CALCR: variants seen among roughly 807,000 people sequenced by gnomAD.
CALCR encodes calcitonin receptor.
In CALCR, 47 loss-of-function variants were observed where a neutral mutation model predicts 59.5. The observed-to-expected ratio is 0.79, with a 90% CI of 0.63 to 1.01. The LOEUF (loss-of-function observed/expected upper bound fraction) is 1.01. Ranked by LOEUF, CALCR falls within the 50% of genes least tolerant of loss-of-function variation. CALCR has a pLI of 0.00. For missense variants in CALCR, 566 were observed against 597.1 expected (o/e 0.95, Z 0.54); for synonymous variants, 213 against 211.3 (o/e 1.01, Z -0.07).
At chr7:93,557,363 TC>T (rs1789635261) in intron 2 of CALCR, among the ~76,000 whole-genome samples, 2 of 151,958 alleles carry the variant, frequency 1.3e-5, no homozygotes, top group Non-Finnish European at 2.9e-5. Context: ...AATGGCTAAA[TC>T]AAGCTAATTA....
rs760281915 is a variant in CALCR, at chr7:93,438,248, A to G, written c.825T>C (p.Thr275=). The change falls in exon 10 of 14, where the codon ACT becomes ACC. Residue 275 remains threonine (T), a synonymous_variant. Transcript: ENST00000426151. ...ACACGGCCCTGGTAATAGCATGGAT[A>G]GTGGTTGGCACCAGCGGGAACCCTA... ...LGWGFPLVPT[T]IHAITRAVYF... is the part of the protein sequence containing the mutation. 6.2e-7 allele frequency: 1 copy of G among 1,613,568 alleles called. No individual in the cohort carries two copies. Among genetic ancestry groups the G allele is most frequent in the Admixed American group, 1.7e-5 (1 of 60,024 alleles).
rs191848722 is a variant in CALCR at position 93,563,499 on chromosome 7, C to G, written c.-27+10790G>C. Among the ~76,000 whole-genome samples the G allele has an allele frequency of 9.9e-5, 15 of 152,238 alleles. No individual in the cohort carries two copies. In the East Asian group the frequency reaches 2.7e-3, roughly 27 times the overall value. On this transcript the variant is annotated intron_variant, in intron 2 of 13. Transcript: ENST00000426151. ...GCAGATTAGGTTTTTGCATTTGACT[C>G]TAATTTTTATGAATGAGATGTCAAC...
rs71107894 is a variant in CALCR, at chr7:93,477,961, CAAAAAAAAAAAAAAAAA to C, written c.206-310_206-294del. Among the ~76,000 whole-genome samples the C allele has an allele frequency of 2.2e-4, 12 of 54,400 alleles. 1 individual carries two copies. In the Admixed American group the frequency reaches 2.7e-3, roughly 12 times the overall value. 35.7% of individuals were successfully genotyped at this position (54,400 alleles called of 152,430 possible). On this transcript the variant is annotated intron_variant, in intron 4 of 13. Coordinates refer to ENST00000426151, the MANE Select transcript of CALCR (RefSeq NM_001742.4). The stretch of plus-strand genomic sequence containing the variant: ...CCCCAAAGACTGCAAGACCCTCTCT[CAAAAAAAAAAAAAAAAA>C]AAAAAAAAAAAAAAAAATTCTACCT...
chr7:93,484,687 G>A (rs1173420860), intron 3 of CALCR, among the ~76,000 whole-genome samples: 5 of 151,716 alleles, frequency 3.3e-5, no homozygotes, highest in Admixed American at 6.6e-5. Flanking sequence ...CAACGAAACT[G>A]CATATATCAT....
chr7:93,545,533 A>T (rs578131084), intron 2 of CALCR, among the ~76,000 whole-genome samples: 46 of 152,228 alleles, frequency 3.0e-4, no homozygotes, highest in South Asian at 2.9e-3. Flanking sequence ...TTTGCCAAAA[A>T]ATGATGGAAG....
In CALCR at chr7:93,556,729, G is replaced by A. The variant is rs546741095; in HGVS notation, c.-27+17560C>T. The stretch of plus-strand genomic sequence containing the variant: ...TAATATATGATGACCATATTTTCAT[G>A]TCAGTACATATAGATCTGCCTCATT... On this transcript the variant is annotated intron_variant, in intron 2 of 13. Transcript: ENST00000426151. 4.6e-5 allele frequency among the ~76,000 whole-genome samples: 7 copies of A among 151,956 alleles called. No individual in the cohort carries two copies. In the East Asian group the frequency reaches 1.3e-3, roughly 29 times the overall value.
intron 2 of CALCR, among the ~76,000 whole-genome samples, chr7:93,550,041 C>T (rs1053890245): frequency 1.3e-5 from 2 of 152,058 alleles, no homozygotes; most frequent in African/African-American, 2.4e-5. Context: ...CTAAATACAA[C>T]AATATATCAA....
chr7:93,468,071 C>T lies in CALCR; in HGVS notation c.521+644G>A, dbSNP rs147055046. Reference sequence around the variant, plus strand: ...TTGGTTGTGATGAAAGCATATGTAACAGTTTCTAACTTAAATGTACCATTC... The same window carrying T: ...TTGGTTGTGATGAAAGCATATGTAATAGTTTCTAACTTAAATGTACCATTC... On this transcript the variant is annotated intron_variant, in intron 7 of 13. Coordinates refer to ENST00000426151, the MANE Select transcript of CALCR (RefSeq NM_001742.4). Among the ~76,000 whole-genome samples the T allele has an allele frequency of 3.5e-3, 530 of 151,772 alleles. 3 individuals carry two copies. The highest frequency in any genetic ancestry group is 0.012 in the African/African-American group (498 of 41,472).
At chr7:93,479,149 T>C (rs1365679686) in intron 4 of CALCR, among the ~76,000 whole-genome samples, 5 of 151,856 alleles carry the variant, frequency 3.3e-5, no homozygotes, top group Non-Finnish European at 7.4e-5. Context: ...TGAGGGCAGA[T>C]GTTAGCCAAA....
At chr7:93,525,827 A>G (rs1168275604) in intron 2 of CALCR, among the ~76,000 whole-genome samples, 4 of 152,252 alleles carry the variant, frequency 2.6e-5, no homozygotes, top group Non-Finnish European at 5.9e-5. Context: ...TTTGTTTTGT[A>G]TTAAGTTAAT....
chr7:93,504,629 T>C (rs1801388891), intron 2 of CALCR, among the ~76,000 whole-genome samples: 1 of 152,176 alleles, frequency 6.6e-6, no homozygotes, highest in Non-Finnish European at 1.5e-5. Context: ...AAATGTTCAA[T>C]ATCCTCAACT....
intron 2 of CALCR, among the ~76,000 whole-genome samples, chr7:93,544,535 T>G (rs1386904797): frequency 6.6e-6 from 1 of 152,326 alleles, no homozygotes; most frequent in East Asian, 1.9e-4. Context: ...TTATATAGAT[T>G]GTGATTTTGC....
chr7:93,505,335 T>C (rs1477773331), intron 2 of CALCR, among the ~76,000 whole-genome samples: 2 of 152,176 alleles, frequency 1.3e-5, no homozygotes, highest in Non-Finnish European at 2.9e-5. Context: ...GTACTTTAAC[T>C]TGGGACATGT....
chr7:93,564,711 C>T (rs146727576), intron 2 of CALCR, among the ~76,000 whole-genome samples: 1,775 of 152,172 alleles, frequency 0.012, 31 homozygotes, highest in African/African-American at 0.04. Context: ...GCCTCAGCCT[C>T]CCAAAATACT....
At chr7:93,557,235 A>G (rs1443290297) in intron 2 of CALCR, among the ~76,000 whole-genome samples, 3 of 152,030 alleles carry the variant, frequency 2.0e-5, no homozygotes, top group Admixed American at 6.6e-5. Flanking sequence ...AATGAAGATA[A>G]TAAGAGTACA....
intron 7 of CALCR, among the ~76,000 whole-genome samples, chr7:93,463,141 T>C (rs1800373148): frequency 6.6e-6 from 1 of 151,914 alleles, no homozygotes; most frequent in Non-Finnish European, 1.5e-5. Context: ...ACTGAACATT[T>C]GCCAAATTCT....
At chr7:93,470,849 T>C (rs1800536119) in intron 6 of CALCR, among the ~76,000 whole-genome samples, 1 of 151,770 alleles carries the variant, frequency 6.6e-6, no homozygotes, top group Non-Finnish European at 1.5e-5. Context: ...TATGTACACA[T>C]GTGACATGCT....
intron 13 of CALCR, among the ~76,000 whole-genome samples, chr7:93,430,926 A>G (rs1441109242): frequency 1.3e-5 from 2 of 152,226 alleles, no homozygotes; most frequent in African/African-American, 4.8e-5. Flanking sequence ...TGTCTCTAGA[A>G]AGACATTGTA....
intron 2 of CALCR, among the ~76,000 whole-genome samples, chr7:93,501,587 T>C (rs1801322411): frequency 6.6e-6 from 1 of 152,064 alleles, no homozygotes; most frequent in Non-Finnish European, 1.5e-5. Context: ...TAGAGGCATC[T>C]ACATGACTTA....
Sources: allele counts gnomAD v4.1 joint callset (sites outside exome capture counted in the v4.1 genomes callset), GRCh38; gene constraint gnomAD v4.1.1; transcripts MANE v1.5; gene names NCBI Gene and HGNC (gene_info 2026-07-23, HGNC 2026-07-21).